The following RBFOX1 variants were observed in gnomAD, a reference collection of about 807,000 sequenced individuals.
The protein encoded by RBFOX1 is RNA binding fox-1 homolog 1.
Under a neutral mutation model 57.7 loss-of-function variants are expected in RBFOX1, and 8 were observed. The ratio of observed to expected loss-of-function variants is 0.14; its 90% CI spans 0.08 to 0.25. The LOEUF is 0.25. RBFOX1 is among the 10% of genes least tolerant of loss of function. RBFOX1 has a pLI of 1.00. For missense variants in RBFOX1, 611 were observed against 548.5 expected, an observed-to-expected ratio of 1.11 and a Z score of -1.14; for synonymous variants, 326 against 222.4, an observed-to-expected ratio of 1.47 and a Z score of -4.15.
At chr16:5,797,884 C>G (rs569052115) in intron 3 of RBFOX1, among the ~76,000 whole-genome samples, 13 of 152,280 alleles carry the variant, frequency 8.5e-5, no homozygotes, top group Non-Finnish European at 2.9e-5. Flanking sequence ...AGGACAGGCT[C>G]TGGAAGGATG....
chr16:7,025,372 C>A (rs955531440), intron 3 of RBFOX1, among the ~76,000 whole-genome samples: 8 of 152,100 alleles, frequency 5.3e-5, no homozygotes, highest in Admixed American at 3.3e-4. Flanking sequence ...TTCTTTACTG[C>A]AAACTGTTTT....
intron 1 of RBFOX1, among the ~76,000 whole-genome samples, chr16:5,324,834 G>T (rs2064518826): frequency 6.6e-6 from 1 of 152,172 alleles, no homozygotes; most frequent in African/African-American, 2.4e-5. Context: ...GGGAGGGAAG[G>T]AAGAGGGAGA....
intron 3 of RBFOX1, among the ~76,000 whole-genome samples, chr16:5,664,366 G>A (rs1362648418): frequency 6.6e-6 from 1 of 152,076 alleles, no homozygotes; most frequent in Non-Finnish European, 1.5e-5. Flanking sequence ...TGGCCAACAT[G>A]GTGAAACACT....
chr16:7,362,312 G>T (rs926300621), intron 4 of RBFOX1, among the ~76,000 whole-genome samples: 13 of 150,090 alleles, frequency 8.7e-5, no homozygotes, highest in Non-Finnish European at 1.5e-5. Context: ...GTGTTTGCGT[G>T]TGTGTGTGTA....
chr16:7,062,622 C>G (rs563082644), intron 4 of RBFOX1, among the ~76,000 whole-genome samples: 2 of 152,252 alleles, frequency 1.3e-5, no homozygotes, highest in East Asian at 3.9e-4. Context: ...CCCTAGCCAA[C>G]AGATGTGGAT....
intron 1 of RBFOX1, among the ~76,000 whole-genome samples, chr16:6,030,054 G>A (rs536288463): frequency 1.3e-5 from 2 of 152,210 alleles, no homozygotes; most frequent in Non-Finnish European, 1.5e-5. Flanking sequence ...AGGACCACAG[G>A]CATGTGCCAC....
chr16:5,593,674 A>G (rs2047085898), intron 2 of RBFOX1, among the ~76,000 whole-genome samples: 1 of 152,176 alleles, frequency 6.6e-6, no homozygotes, highest in African/African-American at 2.4e-5. Flanking sequence ...GTCTGAAAAG[A>G]AGAGGCATGA....
At chr16:5,441,613 C>T (rs2068086777) in intron 1 of RBFOX1, among the ~76,000 whole-genome samples, 1 of 152,126 alleles carries the variant, frequency 6.6e-6, no homozygotes, top group African/African-American at 2.4e-5. Flanking sequence ...GATTCACCCA[C>T]CTTGACCTCC....
At chr16:7,466,860 G>C (rs77316795) in intron 4 of RBFOX1, among the ~76,000 whole-genome samples, 3,193 of 152,262 alleles carry the variant, frequency 0.021, 54 homozygotes, top group Middle Eastern at 0.051. Context: ...AATTAGAGCA[G>C]GAAGAGACCA....
chr16:6,442,452 G>C (rs925586766), intron 2 of RBFOX1, among the ~76,000 whole-genome samples: 3 of 152,080 alleles, frequency 2.0e-5, no homozygotes, highest in Admixed American at 6.5e-5. Flanking sequence ...AGCTACTCAG[G>C]AGGCTGAGGC....
chr16:5,505,906 C>A (rs535578164), intron 2 of RBFOX1, among the ~76,000 whole-genome samples: 2 of 152,158 alleles, frequency 1.3e-5, no homozygotes, highest in South Asian at 4.1e-4. Flanking sequence ...AGCCCACTCT[C>A]ACCCTTCCAT....
At chr16:7,623,632 G>A (rs2059642286) in intron 10 of RBFOX1, among the ~76,000 whole-genome samples, 2 of 152,170 alleles carry the variant, frequency 1.3e-5, no homozygotes, top group African/African-American at 4.8e-5. Context: ...TCGCTCACCT[G>A]CAGCTCACCT....
At chr16:6,662,897 C>T (rs1041003280) in intron 3 of RBFOX1, among the ~76,000 whole-genome samples, 3 of 152,130 alleles carry the variant, frequency 2.0e-5, no homozygotes, top group South Asian at 2.1e-4. Flanking sequence ...ACTCGTAAAA[C>T]ATTTATTGAG....
At chr16:7,015,571 A>C (rs1038267448) in intron 3 of RBFOX1, among the ~76,000 whole-genome samples, 6 of 152,158 alleles carry the variant, frequency 3.9e-5, no homozygotes, top group African/African-American at 1.4e-4. Flanking sequence ...AAGGTTGTTC[A>C]CATTATTCTG....
At chr16:5,919,685 C>T (rs1359423445) in intron 4 of RBFOX1, among the ~76,000 whole-genome samples, 2 of 152,090 alleles carry the variant, frequency 1.3e-5, no homozygotes, top group Non-Finnish European at 2.9e-5. Context: ...TTAGTGCATT[C>T]ACAAGGTTGT....
At chr16:7,635,783 C>G (rs2061656825) in intron 11 of RBFOX1, among the ~76,000 whole-genome samples, 1 of 151,916 alleles carries the variant, frequency 6.6e-6, no homozygotes, top group South Asian at 2.1e-4. Flanking sequence ...TCATTCAAGC[C>G]ACTTCTTTTT....
chr16:5,563,273 A>G (rs556305591), intron 2 of RBFOX1, among the ~76,000 whole-genome samples: 1 of 152,232 alleles, frequency 6.6e-6, no homozygotes. Flanking sequence ...GTATTATTGC[A>G]TCTCCTGACC....
intron 4 of RBFOX1, among the ~76,000 whole-genome samples, chr16:7,128,729 G>T (rs1394898193): frequency 6.6e-6 from 1 of 151,946 alleles, no homozygotes; most frequent in Non-Finnish European, 1.5e-5. Flanking sequence ...GGATGTTCAT[G>T]GTCATATCAC....
chr16:7,663,473 G>C (rs1345684975), intron 12 of RBFOX1, among the ~76,000 whole-genome samples: 1 of 151,792 alleles, frequency 6.6e-6, no homozygotes, highest in East Asian at 1.9e-4. Flanking sequence ...CAGCAAACCA[G>C]TGTCACAGCT....
Sources: allele counts gnomAD v4.1 joint callset (sites outside exome capture counted in the v4.1 genomes callset), GRCh38; gene constraint gnomAD v4.1.1; transcripts MANE v1.5; gene names NCBI Gene and HGNC (gene_info 2026-07-23, HGNC 2026-07-21).